Variants in SYCP2 observed in about 807,000 individuals in gnomAD.
SYCP2 encodes the protein synaptonemal complex protein 2.
SYCP2 carries 55 observed loss-of-function variants against 211.3 expected under a neutral mutation model. That is an observed-to-expected ratio of 0.26 (90% CI 0.21 to 0.33). The LOEUF is 0.33. Ranked by LOEUF, SYCP2 falls within the 10% of genes least tolerant of loss-of-function variation. The probability of loss-of-function intolerance (pLI) is 1.00; values close to 1 mark genes in which losing one functional copy is unlikely to be tolerated. For missense variants in SYCP2, 1,731 were observed against 1,752.0 expected, an observed-to-expected ratio of 0.99 and a Z score of 0.21; for synonymous variants, 570 against 555.2, an observed-to-expected ratio of 1.03 and a Z score of -0.37.
chr20:59,899,785 CT>C (rs985216327), intron 18 of SYCP2, among the ~76,000 whole-genome samples: 47 of 149,728 alleles, frequency 3.1e-4, no homozygotes, highest in South Asian at 8.5e-4. Flanking sequence ...GAACCTCATA[CT>C]TTTTTTTTTC....
intron 2 of SYCP2, among the ~76,000 whole-genome samples, chr20:59,926,958 G>A (rs2060644882): frequency 6.6e-6 from 1 of 152,078 alleles, no homozygotes; most frequent in Non-Finnish European, 1.5e-5. Flanking sequence ...GTCAGATTCT[G>A]GATAACTGAC....
At chr20:59,877,035 AC>A (rs1402456665) in intron 33 of SYCP2, among the ~76,000 whole-genome samples, 1 of 152,118 alleles carries the variant, frequency 6.6e-6, no homozygotes, top group Non-Finnish European at 1.5e-5. Flanking sequence ...TGTGGGAAGA[AC>A]CTCAGACACC....
At chr20:59,921,964 C>G (rs1472493588) in intron 3 of SYCP2, among the ~76,000 whole-genome samples, 2 of 151,518 alleles carry the variant, frequency 1.3e-5, no homozygotes, top group Non-Finnish European at 3.0e-5. Context: ...TATTAAAGTA[C>G]AACTTCATTA....
intron 16 of SYCP2, 73 bp from the exon 17 acceptor site, chr20:59,900,891 T>G: frequency 9.0e-7 from 1 of 1,111,582 alleles, no homozygotes. Flanking sequence ...TCATTTTATT[T>G]CCATTTAATG....
chr20:59,895,619 G>T, intron 19 of SYCP2, 22 bp from the exon 20 acceptor site: 2 of 1,604,998 alleles, frequency 1.2e-6, no homozygotes, highest in Non-Finnish European at 1.7e-6. Flanking sequence ...GACAAGGATT[G>T]CAGATTTTTC....
At chr20:59,887,151 C>T (rs1048767174) in intron 24 of SYCP2, among the ~76,000 whole-genome samples, 2 of 151,994 alleles carry the variant, frequency 1.3e-5, no homozygotes, top group Admixed American at 1.3e-4. Context: ...TCCCTCCCCC[C>T]TTCCCCTACC....
At chr20:59,893,327 C>A (rs775217297) in intron 21 of SYCP2, 128 bp from the exon 22 acceptor site, 5 of 760,078 alleles carry the variant, frequency 6.6e-6, no homozygotes, top group Non-Finnish European at 1.0e-5. Flanking sequence ...TTTGCATCCT[C>A]TCTCTTAAAC....
intron 34 of SYCP2, among the ~76,000 whole-genome samples, chr20:59,874,290 T>C (rs916915038): frequency 5.9e-5 from 9 of 152,084 alleles, no homozygotes; most frequent in Non-Finnish European, 1.2e-4. Context: ...ACAAGAACTT[T>C]CAAAACATTT....
chr20:59,875,711 G>A (rs2059541577), intron 33 of SYCP2, among the ~76,000 whole-genome samples: 1 of 152,008 alleles, frequency 6.6e-6, no homozygotes, highest in African/African-American at 2.4e-5. Context: ...AGCCTTCTTT[G>A]AGGGTTCAAA....
In SYCP2 at chr20:59,893,164, C is replaced by T. The variant is rs1252066189; in HGVS notation, c.1771G>A (p.Ala591Thr). The T allele has an allele frequency of 6.2e-7, 1 of 1,603,358 alleles. No individual in the cohort carries two copies. The highest frequency in any genetic ancestry group is 1.7e-4 in the Middle Eastern group (1 of 5,744). The change falls in exon 22 of 45, where the codon GCG becomes ACG. Residue 591 changes from alanine to threonine, a missense_variant. Ala to Thr is a moderately conservative substitution (Grantham distance 58). Coordinates refer to ENST00000357552, the MANE Select transcript of SYCP2 (RefSeq NM_014258.4). ...LQDVIPDSQAAEKRDHTILPG... is the reference protein window; with the variant it reads ...LQDVIPDSQATEKRDHTILPG... ...TACATAGTATGATCTCTTTTTTCCG[C>T]TGCCTGTGAATCTGGTATAACATCC... is the stretch of plus-strand genomic sequence containing the variant.
intron 26 of SYCP2, among the ~76,000 whole-genome samples, chr20:59,884,854 G>C (rs922485932): frequency 6.6e-6 from 1 of 151,872 alleles, no homozygotes; most frequent in Non-Finnish European, 1.5e-5. Context: ...TGAAAAAACA[G>C]AAGAAAAAAC....
In SYCP2 at chr20:59,901,657, C is replaced by A; in HGVS notation, c.1182+5G>T. 1 of 1,486,676 alleles carries A rather than the reference C, an allele frequency of 6.7e-7. No homozygotes were observed. Among genetic ancestry groups the A allele is most frequent in the Non-Finnish European group, 9.2e-7 (1 of 1,087,078 alleles). The allele number at this position is 1,486,676 out of a possible 1,614,324, so 92.1% of individuals were successfully genotyped here. On this transcript the variant is annotated splice_donor_5th_base_variant and intron_variant, in intron 16 of 44. Coordinates refer to ENST00000357552, the MANE Select transcript of SYCP2 (RefSeq NM_014258.4). ...AGTAAATATTTATTAAGTTTAAAGA[C>A]TTACCCTATGTTTAGTTGCACCAAA...
At chr20:59,933,241 T>G (rs2060804737) in intron 1 of SYCP2, 1 of 150,878 alleles carries the variant, frequency 6.6e-6, no homozygotes, top group South Asian at 2.1e-4. Flanking sequence ...CTTGACCGAG[T>G]CGCCCACGCG....
intron 3 of SYCP2, among the ~76,000 whole-genome samples, chr20:59,921,822 G>A (rs1346500004): frequency 2.0e-5 from 3 of 151,234 alleles, no homozygotes; most frequent in Admixed American, 6.6e-5. Context: ...ATCTCTTAAC[G>A]GGGTTGAAAT....
Position 59,922,373 on chromosome 20 carries a change from G to T in SYCP2, c.24+17C>A. 6.4e-7 allele frequency: 1 copy of T among 1,561,976 alleles called. No homozygotes were observed. The highest frequency in any genetic ancestry group is 8.6e-7 in the Non-Finnish European group (1 of 1,160,802). ...TTTCAGAATGAAAATACTTACTTTT[G>T]GTCTAGGACTACATACCTGGAGATC... is the stretch of plus-strand genomic sequence containing the variant. On this transcript the variant is annotated intron_variant, in intron 3 of 44. Transcript: ENST00000357552.
At chr20:59,884,989 A>G (rs1205582912) in intron 26 of SYCP2, 1 of 152,040 alleles carries the variant, frequency 6.6e-6, no homozygotes, top group Non-Finnish European at 1.5e-5. Context: ...TTCATAAGGA[A>G]GGTACAAAGA....
rs781652840 is a variant in SYCP2 at position 59,878,011 on chromosome 20, T to C, written c.2976A>G (p.Lys992=). 3.1e-6 allele frequency: 5 copies of C among 1,604,160 alleles called. No individual in the cohort carries two copies. The highest frequency in any genetic ancestry group is 3.4e-5 in the Admixed American group (2 of 58,934). Residue 992 remains lysine (K), a synonymous_variant, in exon 32 of 45, where the codon AAA becomes AAG. Coordinates refer to ENST00000357552, the MANE Select transcript of SYCP2 (RefSeq NM_014258.4). ...SSLEKGQPSS[K]MTPSKNITKK... ...GAACACAAACTTCTTGGCTTACCAT[T>C]TTAGAGCTTGGCTGTCCCTTTTCCA...
intron 15 of SYCP2, 76 bp from the exon 16 acceptor site, chr20:59,901,886 T>A (rs1459649173): frequency 8.6e-7 from 1 of 1,163,000 alleles, no homozygotes; most frequent in Non-Finnish European, 1.2e-6. Flanking sequence ...AAGACATGGA[T>A]GTAGCAGATT....
intron 26 of SYCP2, among the ~76,000 whole-genome samples, chr20:59,882,552 TA>T (rs1427505236): frequency 6.6e-6 from 1 of 152,028 alleles, no homozygotes; most frequent in African/African-American, 2.4e-5. Context: ...GATAAATGCA[TA>T]AAGAAAATGT....
Sources: gnomAD v4.1 joint callset for allele counts (sites outside exome capture counted in the v4.1 genomes callset) on GRCh38, gnomAD v4.1.1 for gene constraint, MANE v1.5 for transcripts, NCBI Gene and HGNC (gene_info 2026-07-23, HGNC 2026-07-21) for gene names.